SUGP1: variants seen among roughly 807,000 people sequenced by gnomAD.
SUGP1 encodes SURP and G-patch domain-containing protein 1.
SUGP1 carries 34 observed loss-of-function variants against 76.5 expected under a neutral mutation model. The observed-to-expected ratio is 0.44, with a 90% CI of 0.34 to 0.59. The LOEUF (loss-of-function observed/expected upper bound fraction) is 0.59, where lower values mean the gene tolerates loss of function less well. Ranked by LOEUF, SUGP1 falls within the 20% of genes least tolerant of loss-of-function variation. SUGP1 has a pLI of 0.01. For missense variants in SUGP1, 752 were observed against 851.7 expected, an observed-to-expected ratio of 0.88 and a Z score of 1.46; for synonymous variants, 326 against 326.2, an observed-to-expected ratio of 1.00 and a Z score of 0.01.
intron 4 of SUGP1, chr19:19,304,056 G>C (rs778902453): frequency 6.4e-7 from 1 of 1,552,010 alleles, no homozygotes; most frequent in Non-Finnish European, 8.7e-7. Context: ...AGGTGGGAGA[G>C]AAGTGTGTGA....
At chr19:19,284,187 C>T (rs772816912) in intron 8 of SUGP1, among the ~76,000 whole-genome samples, 8 of 152,076 alleles carry the variant, frequency 5.3e-5, no homozygotes, top group Non-Finnish European at 1.0e-4. Flanking sequence ...CCCAGCTACT[C>T]GGGAGGCTGA....
At chr19:19,291,762 C>CG (rs1599853223) in intron 8 of SUGP1, among the ~76,000 whole-genome samples, 1 of 151,724 alleles carries the variant, frequency 6.6e-6, no homozygotes, top group East Asian at 1.9e-4. Context: ...GGCTTGGTGG[C>CG]GGCGCCTGTA....
chr19:19,304,150 T>A, intron 4 of SUGP1: 1 of 808,658 alleles, frequency 1.2e-6, no homozygotes, highest in Non-Finnish European at 1.9e-6. Context: ...CTTAATTCTT[T>A]TCTTTCTTTA....
chr19:19,288,374 C>G (rs985100782), intron 8 of SUGP1, among the ~76,000 whole-genome samples: 2 of 152,108 alleles, frequency 1.3e-5, no homozygotes, highest in Non-Finnish European at 2.9e-5. Context: ...TTTCTTCTAG[C>G]TTATTTTATT....
intron 1 of SUGP1, 139 bp downstream of exon 1, chr19:19,320,324 G>T: frequency 2.2e-6 from 2 of 889,172 alleles, no homozygotes; most frequent in Non-Finnish European, 3.3e-6. Flanking sequence ...ACCAAGAGGT[G>T]CAGAAGCCGA....
At position 19,305,987 on chromosome 19, in the gene SUGP1, G is replaced by T; in HGVS notation, c.400C>A (p.Leu134Met). 3 of 1,611,872 alleles carry T rather than the reference G, an allele frequency of 1.9e-6. No homozygotes were observed. Among genetic ancestry groups the T allele is most frequent in the Non-Finnish European group, 2.5e-6 (3 of 1,179,756 alleles). Reference sequence around the variant, plus strand: ...GGGCCCGGCAGGCTGGCCAGCCCCAGGCCTGTCCGCCTGCTGATGAGCAGG... The same window carrying T: ...GGGCCCGGCAGGCTGGCCAGCCCCATGCCTGTCCGCCTGCTGATGAGCAGG... ...RSLLISRRTG[L>M]GLASLPGPVK... The change falls in exon 4 of 14, where the codon CTG (leucine) becomes ATG (methionine). Residue 134 changes from leucine to methionine, a missense_variant. This residue lies in a region of SUGP1 where 620 missense variants were observed against 617.3 expected (regional missense o/e 1.00). Coordinates refer to ENST00000247001, the MANE Select transcript of SUGP1 (RefSeq NM_172231.4).
rs556816272 is a variant in SUGP1 at position 19,314,127 on chromosome 19, ACT to A, written c.206+2293_206+2294del. On this transcript the variant is annotated intron_variant, in intron 2 of 13. Transcript: ENST00000247001. Reference sequence around the variant, plus strand: ...ACTCCAGCCTGGGCGGCTGAGTGAGACTCTGTCTCAAAAAATAAAATAAATAA... The same window carrying A: ...ACTCCAGCCTGGGCGGCTGAGTGAGACTGTCTCAAAAAATAAAATAAATAA... 3.1e-3 allele frequency among the ~76,000 whole-genome samples: 462 copies of A among 149,910 alleles called. 2 individuals are homozygous for A. Among genetic ancestry groups the A allele is most frequent in the African/African-American group, 0.011 (425 of 40,380 alleles).
chr19:19,277,604 T>G lies in SUGP1; in HGVS notation c.1781+130A>C, dbSNP rs2061063768. 3 of 1,223,232 alleles carry G rather than the reference T, an allele frequency of 2.5e-6. No individual in the cohort carries two copies. The Admixed American group carries it at 6.7e-5, about 27-fold the overall frequency. The allele number at this position is 1,223,232 out of a possible 1,614,324, so 75.8% of individuals were successfully genotyped here. A position where few individuals can be genotyped will look rare whatever the true frequency, so the allele number is the denominator to read the frequency against. On this transcript the variant is annotated intron_variant, in intron 12 of 13. Transcript: ENST00000247001. Reference sequence around the variant, plus strand: ...GCAGGCCTGTGCCTGACAAGGGGTGTGCAGTGGGGTGCTGTGATCATTTTG... The same window carrying G: ...GCAGGCCTGTGCCTGACAAGGGGTGGGCAGTGGGGTGCTGTGATCATTTTG...
At chr19:19,296,666 A>G (rs1299235684) in intron 8 of SUGP1, among the ~76,000 whole-genome samples, 5 of 151,946 alleles carry the variant, frequency 3.3e-5, no homozygotes, top group African/African-American at 7.2e-5. Context: ...AAGAAAAAAG[A>G]AAAAAGAAAA....
chr19:19,318,519 C>T (rs1022091494), intron 1 of SUGP1, among the ~76,000 whole-genome samples: 2 of 152,076 alleles, frequency 1.3e-5, no homozygotes, highest in Non-Finnish European at 2.9e-5. Flanking sequence ...TCCTCAAACT[C>T]CTGGGCTCTA....
chr19:19,319,463 T>C (rs1404210395), intron 1 of SUGP1, among the ~76,000 whole-genome samples: 3 of 151,666 alleles, frequency 2.0e-5, no homozygotes, highest in Non-Finnish European at 2.9e-5. Flanking sequence ...CCAGGTGTGG[T>C]GGCTCACACC....
intron 8 of SUGP1, among the ~76,000 whole-genome samples, chr19:19,285,726 C>T (rs1477919463): frequency 4.6e-5 from 7 of 151,980 alleles, no homozygotes; most frequent in Non-Finnish European, 1.0e-4. Flanking sequence ...CCACCACACC[C>T]GGCTAATTTT....
At chr19:19,319,352 GC>G (rs1429015416) in intron 1 of SUGP1, among the ~76,000 whole-genome samples, 1 of 151,948 alleles carries the variant, frequency 6.6e-6, no homozygotes, top group Non-Finnish European at 1.5e-5. Context: ...GCATTTACTG[GC>G]CCCCCTCTGT....
intron 8 of SUGP1, among the ~76,000 whole-genome samples, chr19:19,292,292 A>AAAGAATACC (rs1391705749): frequency 6.6e-6 from 1 of 150,924 alleles, no homozygotes; most frequent in African/African-American, 2.4e-5. Flanking sequence ...AAAAAAAAAG[A>AAAGAATACC]AAGAATACCA....
In SUGP1 at chr19:19,276,952, G is replaced by C. The variant is rs1568615466; in HGVS notation, c.1906C>G (p.Pro636Ala). 1 of 1,613,022 alleles carries C rather than the reference G, an allele frequency of 6.2e-7. No homozygotes were observed. Among genetic ancestry groups the C allele is most frequent in the Non-Finnish European group, 8.5e-7 (1 of 1,179,998 alleles). Residue 636 changes from proline (P) to alanine (A), a missense_variant, in exon 13 of 14, where the codon CCC becomes GCC. Physicochemically the swap from Pro to Ala is conservative, Grantham distance 27 (BLOSUM62 -1). Transcript: ENST00000247001. ...MMLAYRFRPNPLNNPRRPYY is the reference protein window; with the variant it reads ...MMLAYRFRPNALNNPRRPYY ...GCCCAGGAGGACATGCGTACCAGGGGGTTGGGCCGGAAGCGGTAGGCCAGC... is the reference window on the plus strand; with the variant it reads ...GCCCAGGAGGACATGCGTACCAGGGCGTTGGGCCGGAAGCGGTAGGCCAGC...
intron 10 of SUGP1, 81 bp downstream of exon 10, chr19:19,279,132 T>A: frequency 2.1e-6 from 3 of 1,414,104 alleles, no homozygotes; most frequent in Non-Finnish European, 2.8e-6. Flanking sequence ...AGACCACGTG[T>A]GGCGCATCCA....
rs2061077545 is a variant in SUGP1, at chr19:19,279,200, C to G, written c.1528+13G>C. The stretch of plus-strand genomic sequence containing the variant: ...GCCCAGCCCAGCCCGGCCCACCCCG[C>G]TGCCCCACATACCCCTGGTCTTATC... On this transcript the variant is annotated intron_variant, in intron 10 of 13. Coordinates refer to ENST00000247001, the MANE Select transcript of SUGP1 (RefSeq NM_172231.4). 6.3e-7 allele frequency: 1 copy of G among 1,581,124 alleles called. No homozygotes were observed. The highest frequency in any genetic ancestry group is 1.3e-5 in the African/African-American group (1 of 74,518).
chr19:19,296,282 G>A (rs138648980), intron 8 of SUGP1, among the ~76,000 whole-genome samples: 73 of 152,262 alleles, frequency 4.8e-4, no homozygotes, highest in African/African-American at 1.6e-3. Flanking sequence ...CAGGCCAGAC[G>A]TGGTGGCTCA....
intron 8 of SUGP1, among the ~76,000 whole-genome samples, chr19:19,290,500 C>A (rs529595793): frequency 1.3e-5 from 2 of 151,020 alleles, no homozygotes; most frequent in African/African-American, 2.4e-5. Flanking sequence ...AAAAATTAGC[C>A]GGGCATGGTG....
Sources: gnomAD v4.1 joint callset for allele counts (sites outside exome capture counted in the v4.1 genomes callset) on GRCh38, gnomAD v4.1.1 for gene constraint, gnomAD v4.1.1 regional missense constraint, MANE v1.5 for transcripts, NCBI Gene and HGNC (gene_info 2026-07-23, HGNC 2026-07-21) for gene names.